Variants in FOXO1 observed in about 807,000 individuals in gnomAD.
The protein encoded by FOXO1 is forkhead box O1.
In FOXO1, 6 loss-of-function variants were observed where a neutral mutation model predicts 44.1. The observed-to-expected ratio is 0.14, with a 90% CI of 0.07 to 0.27. The LOEUF (loss-of-function observed/expected upper bound fraction) is 0.27. FOXO1 is among the 10% of genes least tolerant of loss of function. FOXO1 has a pLI of 1.00. For missense variants in FOXO1, 737 were observed against 888.8 expected (o/e 0.83, Z 2.17); for synonymous variants, 380 against 362.7 (o/e 1.05, Z -0.54).
intron 1 of FOXO1, among the ~76,000 whole-genome samples, chr13:40,573,067 T>A (rs1874603744): frequency 6.6e-6 from 1 of 152,118 alleles, no homozygotes; most frequent in Non-Finnish European, 1.5e-5. Context: ...AAGCCACACA[T>A]CCCCATCAGC....
At chr13:40,659,141 CCT>C (rs1334685257) in intron 1 of FOXO1, among the ~76,000 whole-genome samples, 2 of 151,748 alleles carry the variant, frequency 1.3e-5, no homozygotes, top group Non-Finnish European at 2.9e-5. Context: ...ATGGTGAAAC[CCT>C]GTCTCTACTA....
In FOXO1 at chr13:40,558,870, GA is replaced by G; in HGVS notation, c.*178del. Reference sequence around the variant, plus strand: ...CACATTGGGCAAACATCCTGTACAGGAAAAATGTCTTTGCTGCCAAGTCTGA... The same window carrying G: ...CACATTGGGCAAACATCCTGTACAGGAAAATGTCTTTGCTGCCAAGTCTGA... On this transcript the variant is annotated 3_prime_UTR_variant, in exon 3 of 3. Coordinates refer to ENST00000379561, the MANE Select transcript of FOXO1 (RefSeq NM_002015.4). 1 of 397,516 alleles carries G rather than the reference GA, an allele frequency of 2.5e-6. No homozygotes were observed. The highest frequency in any genetic ancestry group is 4.4e-6 in the Non-Finnish European group (1 of 225,864). The allele number at this position is 397,516 out of a possible 1,614,324, so 24.6% of individuals were successfully genotyped here.
chr13:40,606,064 A>G (rs930521764), intron 1 of FOXO1, among the ~76,000 whole-genome samples: 2 of 152,210 alleles, frequency 1.3e-5, no homozygotes, highest in East Asian at 3.8e-4. Flanking sequence ...TAGAATAACA[A>G]TTTTTCCAAA....
At chr13:40,649,378 T>C (rs1193354883) in intron 1 of FOXO1, among the ~76,000 whole-genome samples, 1 of 152,176 alleles carries the variant, frequency 6.6e-6, no homozygotes, top group East Asian at 1.9e-4. Flanking sequence ...GTGGGGAGTA[T>C]AAATGAGGCT....
chr13:40,652,177 A>C (rs1050239395), intron 1 of FOXO1, among the ~76,000 whole-genome samples: 3 of 152,218 alleles, frequency 2.0e-5, no homozygotes, highest in African/African-American at 7.2e-5. Context: ...GTTCTGCTGC[A>C]AACAGATGAG....
At position 40,665,851 on chromosome 13, in the gene FOXO1, G is replaced by A. The variant is rs1183776962; in HGVS notation, c.362C>T (p.Ala121Val). ...QGPEAGCLHPAPPQPPPPGPL... is the reference protein window; with the variant it reads ...QGPEAGCLHPVPPQPPPPGPL... ...CCCGGGCGGCGGGGGCTGCGGTGGCGCTGGGTGCAGGCAGCCCGCCTCCGG... is the reference window on the plus strand; with the variant it reads ...CCCGGGCGGCGGGGGCTGCGGTGGCACTGGGTGCAGGCAGCCCGCCTCCGG... Residue 121 changes from alanine (A) to valine (V), a missense_variant, in exon 1 of 3, where the codon GCG becomes GTG. Coordinates refer to ENST00000379561, the MANE Select transcript of FOXO1 (RefSeq NM_002015.4). 2.7e-6 allele frequency: 3 copies of A among 1,130,182 alleles called. No homozygotes were observed. The highest frequency in any genetic ancestry group is 2.2e-6 in the Non-Finnish European group (2 of 924,410). The allele number at this position is 1,130,182 out of a possible 1,614,324, so 70.0% of individuals were successfully genotyped here.
chr13:40,596,283 T>C (rs1875575074), intron 1 of FOXO1, among the ~76,000 whole-genome samples: 1 of 152,176 alleles, frequency 6.6e-6, no homozygotes, highest in African/African-American at 2.4e-5. Context: ...CTGGGGTCTG[T>C]GACCATAAAG....
rs558034476 is a variant in FOXO1 at position 40,665,916 on chromosome 13, G to A, written c.297C>T (p.Ala99=). ...CGCACAGCCCCCCGGTGGCGGCCGCGGCGGCCGCCGCCGCCACCGCCGCCG... is the reference window on the plus strand; with the variant it reads ...CGCACAGCCCCCCGGTGGCGGCCGCAGCGGCCGCCGCCGCCACCGCCGCCG... The part of the protein sequence containing the change: ...SVAAAVAAAA[A]AAATGGLCGD... Residue 99 remains alanine, a synonymous_variant, in exon 1 of 3, where the codon GCC becomes GCT. Transcript: ENST00000379561. 4.2e-5 allele frequency: 50 copies of A among 1,194,080 alleles called. No individual in the cohort carries two copies. In the South Asian group the frequency reaches 1.8e-3, roughly 44 times the overall value. 74.0% of individuals were successfully genotyped at this position (1,194,080 alleles called of 1,614,324 possible). A position where few individuals can be genotyped will look rare whatever the true frequency, so the allele number is the denominator to read the frequency against.
At chr13:40,636,433 G>A (rs551874665) in intron 1 of FOXO1, among the ~76,000 whole-genome samples, 14 of 152,088 alleles carry the variant, frequency 9.2e-5, no homozygotes, top group African/African-American at 2.9e-4. Flanking sequence ...ACTCTGGGAG[G>A]CCAATATGAG....
At chr13:40,568,822 G>A (rs1031976442) in intron 1 of FOXO1, among the ~76,000 whole-genome samples, 1 of 151,310 alleles carries the variant, frequency 6.6e-6, no homozygotes, top group Non-Finnish European at 1.5e-5. Context: ...GAGACTGGCG[G>A]CCTGGTAAAA....
At chr13:40,591,996 C>T (rs1041377448) in intron 1 of FOXO1, among the ~76,000 whole-genome samples, 5 of 152,242 alleles carry the variant, frequency 3.3e-5, no homozygotes, top group Admixed American at 6.5e-5. Flanking sequence ...CGTGAGCCAC[C>T]GCACTCAGCC....
chr13:40,646,062 C>A, intron 1 of FOXO1, among the ~76,000 whole-genome samples: 1 of 143,834 alleles, frequency 7.0e-6, no homozygotes, highest in Non-Finnish European at 1.5e-5. Flanking sequence ...AGGGAAACTC[C>A]GTCTCAAAAA....
intron 1 of FOXO1, among the ~76,000 whole-genome samples, chr13:40,643,223 T>A (rs1012781530): frequency 6.6e-6 from 1 of 151,458 alleles, no homozygotes; most frequent in Non-Finnish European, 1.5e-5. Context: ...GCACCTGTAA[T>A]CCCAGCTACT....
At chr13:40,573,917 C>T (rs111987030) in intron 1 of FOXO1, among the ~76,000 whole-genome samples, 206 of 152,314 alleles carry the variant, frequency 1.4e-3, no homozygotes, top group African/African-American at 4.8e-3. Flanking sequence ...TTTAGGATGA[C>T]TCAAACCAAC....
intron 1 of FOXO1, among the ~76,000 whole-genome samples, chr13:40,619,149 T>C (rs911114740): frequency 3.3e-5 from 5 of 152,032 alleles, no homozygotes; most frequent in Non-Finnish European, 5.9e-5. Flanking sequence ...TAGCCGGGTG[T>C]GGTGGCACAT....
At chr13:40,578,291 G>C (rs1188582613) in intron 1 of FOXO1, among the ~76,000 whole-genome samples, 1 of 152,166 alleles carries the variant, frequency 6.6e-6, no homozygotes, top group Non-Finnish European at 1.5e-5. Context: ...TCAGGCTACA[G>C]TTCATGGAGC....
chr13:40,623,976 C>G (rs919571913), intron 1 of FOXO1, among the ~76,000 whole-genome samples: 10 of 148,822 alleles, frequency 6.7e-5, no homozygotes, highest in Admixed American at 4.7e-4. Flanking sequence ...CGGTGGCGCA[C>G]GCCTGTAGTC....
intron 1 of FOXO1, among the ~76,000 whole-genome samples, chr13:40,656,073 A>G (rs1170060919): frequency 6.6e-6 from 1 of 152,218 alleles, no homozygotes; most frequent in East Asian, 1.9e-4. Context: ...GACTCACTCC[A>G]AGTACACTTA....
chr13:40,631,282 A>T (rs958844535), intron 1 of FOXO1, among the ~76,000 whole-genome samples: 7 of 152,208 alleles, frequency 4.6e-5, no homozygotes, highest in African/African-American at 1.7e-4. Context: ...TATGACTGTG[A>T]CCTCATGGCA....
Sources: allele counts gnomAD v4.1 joint callset (sites outside exome capture counted in the v4.1 genomes callset), GRCh38; gene constraint gnomAD v4.1.1; transcripts MANE v1.5; gene names NCBI Gene and HGNC (gene_info 2026-07-23, HGNC 2026-07-21).